Variants in IL1RN observed in about 807,000 individuals in gnomAD.
IL1RN encodes interleukin-1 receptor antagonist protein.
Under a neutral mutation model 13.7 loss-of-function variants are expected in IL1RN, and 10 were observed. That is an observed-to-expected ratio of 0.73 (90% CI 0.45 to 1.24). IL1RN has a LOEUF of 1.24. IL1RN is among the 50% of genes most tolerant of loss of function. The pLI is 0.00. For synonymous variants in IL1RN, 102 were observed against 82.7 expected, an observed-to-expected ratio of 1.23 and a Z score of -1.27; for missense variants, 213 against 222.1, an observed-to-expected ratio of 0.96 and a Z score of 0.26.
Position 113,129,585 on chromosome 2 carries a change from T to C in IL1RN, c.126T>C (p.Asp42=), listed in dbSNP as rs766285518. The C allele has an allele frequency of 6.2e-7, 1 of 1,607,456 alleles. No homozygotes were observed. The highest frequency in any genetic ancestry group is 1.1e-5 in the South Asian group (1 of 90,954). The stretch of plus-strand genomic sequence containing the variant: ...TCCTTTTCCTTTTCAGAATCTGGGA[T>C]GTTAACCAGAAGACCTTCTATCTGA... ...SSKMQAFRIW[D]VNQKTFYLRN... The change falls in exon 2 of 4, where the codon GAT becomes GAC. Residue 42 remains aspartate (D), a synonymous_variant. Coordinates refer to ENST00000409930, the MANE Select transcript of IL1RN (RefSeq NM_173842.3).
chr2:113,121,340 G>A (rs745317910), intron 2 of IL1RN: 35 of 444,816 alleles, frequency 7.9e-5, no homozygotes, highest in Non-Finnish European at 9.8e-5. Flanking sequence ...GTGGACAAAA[G>A]GAGATCTGTG....
chr2:113,128,574 G>A (rs181404010), intron 1 of IL1RN, among the ~76,000 whole-genome samples: 1 of 152,216 alleles, frequency 6.6e-6, no homozygotes, highest in Non-Finnish European at 1.5e-5. Context: ...AGAAGCTCCA[G>A]GAGATCCTCC....
intron 2 of IL1RN, 62 bp from the exon 3 acceptor site, chr2:113,130,983 G>T: frequency 1.9e-6 from 2 of 1,050,800 alleles, no homozygotes; most frequent in South Asian, 2.5e-5. Context: ...AATACCCGGG[G>T]TCTCTTCATT....
intron 2 of IL1RN, among the ~76,000 whole-genome samples, chr2:113,121,804 C>T (rs1686792043): frequency 6.6e-6 from 1 of 152,204 alleles, no homozygotes; most frequent in African/African-American, 2.4e-5. Flanking sequence ...CAAACCTGTC[C>T]TGCTGCCTTA....
At chr2:113,107,490 A>G (rs999035461), upstream of IL1RN, 1 of 152,102 alleles carries the variant, frequency 6.6e-6, no homozygotes, top group Non-Finnish European at 1.5e-5. Flanking sequence ...TTGGGAAGCC[A>G]AGGAACGTGG....
upstream of IL1RN, among the ~76,000 whole-genome samples, chr2:113,122,658 CT>C (rs1321431405): frequency 1.3e-5 from 2 of 152,208 alleles, no homozygotes; most frequent in Non-Finnish European, 2.9e-5. Flanking sequence ...TAAAACACAC[CT>C]GACAACATTA....
intron 1 of IL1RN, among the ~76,000 whole-genome samples, chr2:113,128,411 T>C (rs1405407358): frequency 6.6e-6 from 1 of 152,154 alleles, no homozygotes; most frequent in Non-Finnish European, 1.5e-5. Flanking sequence ...AGTGAAATCA[T>C]GTTGGGGTGA....
At chr2:113,099,723 C>CTTTTT in the IL1RN span, among the ~76,000 whole-genome samples, 232 of 72,198 alleles carry the variant, frequency 3.2e-3, 24 homozygotes, top group Non-Finnish European at 4.5e-3. Flanking sequence ...CCTCTTCTTT[C>CTTTTT]TTTTCTTTTT....
chr2:113,107,984 C>T (rs1356801139), upstream of IL1RN, among the ~76,000 whole-genome samples: 1 of 152,096 alleles, frequency 6.6e-6, no homozygotes, highest in African/African-American at 2.4e-5. Context: ...TTATTAGTTG[C>T]TCTAAGAAAT....
upstream of IL1RN, among the ~76,000 whole-genome samples, chr2:113,109,712 G>C (rs1015174220): frequency 6.7e-6 from 1 of 149,542 alleles, no homozygotes; most frequent in Non-Finnish European, 1.5e-5. Flanking sequence ...ACATAGTGAT[G>C]AAGCACTTAA....
At chr2:113,113,313 A>G (rs1686532823), upstream of IL1RN, among the ~76,000 whole-genome samples, 1 of 152,204 alleles carries the variant, frequency 6.6e-6, no homozygotes, top group Admixed American at 6.5e-5. Flanking sequence ...GTGAAATAAG[A>G]CAGACACAAA....
intron 1 of IL1RN, chr2:113,119,955 G>C: frequency 1.2e-6 from 1 of 843,734 alleles, no homozygotes; most frequent in Non-Finnish European, 2.0e-6. Flanking sequence ...GAGGGTAAAG[G>C]ATAGAGATGG....
At chr2:113,112,010 G>T (rs1310853811) in intron 1 of IL1RN, among the ~76,000 whole-genome samples, 1 of 152,236 alleles carries the variant, frequency 6.6e-6, no homozygotes, top group Non-Finnish European at 1.5e-5. Context: ...GTTGTTGTTT[G>T]CTGGGCACAG....
chr2:113,115,202 G>C (rs1686569520), upstream of IL1RN, among the ~76,000 whole-genome samples: 1 of 152,168 alleles, frequency 6.6e-6, no homozygotes, highest in South Asian at 2.1e-4. Context: ...GACCTTGTGT[G>C]TCTAAGCTAG....
chr2:113,109,001 C>G (rs1336632457), upstream of IL1RN, among the ~76,000 whole-genome samples: 1 of 151,554 alleles, frequency 6.6e-6, no homozygotes, highest in Non-Finnish European at 1.5e-5. Flanking sequence ...ACAAGAGAAA[C>G]AGAGTATATA....
At position 113,129,684 on chromosome 2, in the gene IL1RN, G is replaced by A. The variant is rs1197754851; in HGVS notation, c.205+20G>A. 4 of 1,517,914 alleles carry A rather than the reference G, an allele frequency of 2.6e-6. No individual in the cohort carries two copies. In the African/African-American group the frequency reaches 4.1e-5, roughly 16 times the overall value. 94.0% of individuals were successfully genotyped at this position (1,517,914 alleles called of 1,614,324 possible). ...TAGAAGGTGAGTGGTTGCCAGGAAA[G>A]CCAATGTATGTGGGCATCACGTCAC... On this transcript the variant is annotated intron_variant, in intron 2 of 3. Transcript: ENST00000409930.
upstream of IL1RN, among the ~76,000 whole-genome samples, chr2:113,123,996 A>C (rs1234587562): frequency 6.6e-6 from 1 of 152,206 alleles, no homozygotes; most frequent in African/African-American, 2.4e-5. Flanking sequence ...GTCCCCTTAC[A>C]GCAGTGCAGT....
chr2:113,119,359 T>A (rs1408251815), intron 1 of IL1RN, among the ~76,000 whole-genome samples: 1 of 152,212 alleles, frequency 6.6e-6, no homozygotes. Context: ...GATTAGATAA[T>A]TTGCCCATGG....
At chr2:113,106,626 G>A (rs537287557), upstream of IL1RN, among the ~76,000 whole-genome samples, 13 of 151,918 alleles carry the variant, frequency 8.6e-5, no homozygotes, top group African/African-American at 3.1e-4. Flanking sequence ...TCCTTTTTTT[G>A]AGAGTTTTGA....
Sources: gnomAD v4.1 joint callset for allele counts (sites outside exome capture counted in the v4.1 genomes callset) on GRCh38, gnomAD v4.1.1 for gene constraint, MANE v1.5 for transcripts, NCBI Gene and HGNC (gene_info 2026-07-23, HGNC 2026-07-21) for gene names.